The following TNKS variants were observed in gnomAD, a reference collection of about 807,000 sequenced individuals.
TNKS encodes poly [ADP-ribose] polymerase tankyrase-1.
A neutral mutation model predicts 135.8 loss-of-function variants in TNKS; 72 were observed. That is an observed-to-expected ratio of 0.53 (90% CI 0.44 to 0.64). The LOEUF (loss-of-function observed/expected upper bound fraction) is 0.64, where lower values mean the gene tolerates loss of function less well. Among genes scored for constraint, TNKS ranks in the 30% least tolerant of loss-of-function variants. The pLI is 0.00. For synonymous variants in TNKS, 849 were observed against 649.3 expected (o/e 1.31, Z -4.68); for missense variants, 1,769 against 1,674.0 (o/e 1.06, Z -0.99).
intron 3 of TNKS, among the ~76,000 whole-genome samples, chr8:9,656,762 C>T (rs1311403707): frequency 5.3e-5 from 8 of 151,022 alleles, no homozygotes; most frequent in Non-Finnish European, 8.9e-5. Flanking sequence ...GCAGAGGACC[C>T]CACGGCCTTC....
chr8:9,683,184 G>C (rs1280920450), intron 5 of TNKS, among the ~76,000 whole-genome samples: 1 of 151,956 alleles, frequency 6.6e-6, no homozygotes, highest in African/African-American at 2.4e-5. Context: ...AAAGCCACAG[G>C]GTGTTAAATG....
intron 17 of TNKS, among the ~76,000 whole-genome samples, chr8:9,746,601 C>G (rs1317252405): frequency 6.6e-6 from 1 of 152,212 alleles, no homozygotes; most frequent in South Asian, 2.1e-4. Context: ...TATTCCTTTC[C>G]TTAATGAGCT....
At position 9,617,088 on chromosome 8, in the gene TNKS, C is replaced by T. The variant is rs906953011; in HGVS notation, c.994+1411C>T. ...ACCCGCTTTGTCCATTTGTTAGATA[C>T]ATTTAATGCAACAACGCTTTTAGAT... On this transcript the variant is annotated intron_variant, in intron 3 of 26. Transcript: ENST00000310430. Among the ~76,000 whole-genome samples, 66 of 152,336 alleles carry T rather than the reference C, an allele frequency of 4.3e-4. 1 individual carries two copies. The highest frequency in any genetic ancestry group is 1.5e-3 in the African/African-American group (61 of 41,580).
Position 9,780,662 on chromosome 8 carries a change from A to T in TNKS, c.*3926A>T, listed in dbSNP as rs930672667. The T allele has an allele frequency of 1.3e-5, 2 of 152,240 alleles. No individual in the cohort carries two copies. Among genetic ancestry groups the T allele is most frequent in the African/African-American group, 2.4e-5 (1 of 41,470 alleles). The allele number at this position is 152,240 out of a possible 1,614,324, so 9.4% of individuals were successfully genotyped here. ...CTCTAGAAAGCCTTAACTATGGCGG[A>T]AACTTTTTAACCTTTTATATTTTAA... On this transcript the variant is annotated 3_prime_UTR_variant, in exon 27 of 27. Coordinates refer to ENST00000310430, the MANE Select transcript of TNKS (RefSeq NM_003747.3).
intron 3 of TNKS, among the ~76,000 whole-genome samples, chr8:9,643,326 G>C (rs948711044): frequency 6.9e-6 from 1 of 145,824 alleles, no homozygotes; most frequent in Admixed American, 7.2e-5. Context: ...TGTCTGGTTA[G>C]GGCCTGTTTG....
At chr8:9,563,466 G>T (rs1797414135) in intron 1 of TNKS, among the ~76,000 whole-genome samples, 1 of 152,022 alleles carries the variant, frequency 6.6e-6, no homozygotes. Context: ...TAGACTATAT[G>T]TAAATGAATG....
intron 17 of TNKS, among the ~76,000 whole-genome samples, chr8:9,746,130 A>G (rs956314067): frequency 1.8e-4 from 28 of 152,180 alleles, no homozygotes; most frequent in Non-Finnish European, 2.5e-4. Context: ...TAATTATCCA[A>G]ACTGACCAAG....
At chr8:9,609,357 G>A (rs370927907) in intron 2 of TNKS, among the ~76,000 whole-genome samples, 4 of 152,150 alleles carry the variant, frequency 2.6e-5, no homozygotes, top group East Asian at 1.9e-4. Flanking sequence ...TTTAGATATC[G>A]TAGACACCCA....
At chr8:9,596,602 T>C (rs909624452) in intron 2 of TNKS, among the ~76,000 whole-genome samples, 6 of 152,224 alleles carry the variant, frequency 3.9e-5, no homozygotes, top group African/African-American at 1.4e-4. Flanking sequence ...TACTCCCTGA[T>C]ATGACCATAT....
chr8:9,643,980 G>GAACCTTGAACACATTTTGCT (rs1210505381), intron 3 of TNKS, among the ~76,000 whole-genome samples: 1 of 152,194 alleles, frequency 6.6e-6, no homozygotes, highest in Non-Finnish European at 1.5e-5. Flanking sequence ...TAGCATGGAT[G>GAACCTTGAACACATTTTGCT]AACCTTGAAC....
At chr8:9,683,043 G>T (rs1802848751) in intron 5 of TNKS, among the ~76,000 whole-genome samples, 1 of 151,778 alleles carries the variant, frequency 6.6e-6, no homozygotes, top group African/African-American at 2.4e-5. Flanking sequence ...CATTTATTAG[G>T]TTTTAGTGCT....
chr8:9,690,261 C>T (rs1417610388), intron 5 of TNKS, among the ~76,000 whole-genome samples: 2 of 152,168 alleles, frequency 1.3e-5, no homozygotes, highest in Non-Finnish European at 2.9e-5. Flanking sequence ...ACACAAATTG[C>T]TGGCCGCTGA....
chr8:9,686,625 A>C (rs1380610900), intron 5 of TNKS, among the ~76,000 whole-genome samples: 1 of 152,192 alleles, frequency 6.6e-6, no homozygotes, highest in East Asian at 1.9e-4. Flanking sequence ...ATTTTAAAAT[A>C]TCTTCCCAAA....
In TNKS at chr8:9,706,244, G is replaced by A; in HGVS notation, c.1260G>A (p.Leu420=). The A allele has an allele frequency of 6.4e-7, 1 of 1,566,422 alleles. No homozygotes were observed. Among genetic ancestry groups the A allele is most frequent in the East Asian group, 2.4e-5 (1 of 41,712 alleles). Residue 420 remains leucine (L), a synonymous_variant, in exon 7 of 27, where the codon CTG becomes CTA. Transcript: ENST00000310430. ...CSYGHYEVTE[L]LLKHGACVNA... ...ATGGACATTATGAAGTCACAGAACT[G>A]CTACTAAAGGTAAGAGAAATTCAGA...
At chr8:9,642,975 T>G (rs1800777330) in intron 3 of TNKS, among the ~76,000 whole-genome samples, 1 of 146,398 alleles carries the variant, frequency 6.8e-6, no homozygotes, top group African/African-American at 2.5e-5. Flanking sequence ...TTTTACCTAA[T>G]TTTTATATAC....
intron 4 of TNKS, 85 bp downstream of exon 4, chr8:9,680,072 A>G (rs190619731): frequency 1.5e-5 from 15 of 999,700 alleles, no homozygotes; most frequent in Admixed American, 1.3e-4. Flanking sequence ...AAAAAATATA[A>G]CGTTATTGTC....
At chr8:9,690,199 T>C (rs1803198803) in intron 5 of TNKS, among the ~76,000 whole-genome samples, 1 of 152,196 alleles carries the variant, frequency 6.6e-6, no homozygotes, top group Non-Finnish European at 1.5e-5. Context: ...TAGAAACTCA[T>C]TTTCACCACA....
chr8:9,615,902 T>C (rs774756698), intron 3 of TNKS, among the ~76,000 whole-genome samples: 8 of 152,214 alleles, frequency 5.3e-5, no homozygotes, highest in Admixed American at 6.5e-5. Flanking sequence ...TAGCATTAAA[T>C]CATAACATCT....
At chr8:9,658,589 A>G (rs947485252) in intron 3 of TNKS, among the ~76,000 whole-genome samples, 2 of 152,258 alleles carry the variant, frequency 1.3e-5, no homozygotes, top group Non-Finnish European at 2.9e-5. Flanking sequence ...AGGAAGCACT[A>G]AACATGGAAA....
Sources: gnomAD v4.1 joint callset for allele counts (sites outside exome capture counted in the v4.1 genomes callset) on GRCh38, gnomAD v4.1.1 for gene constraint, MANE v1.5 for transcripts, NCBI Gene and HGNC (gene_info 2026-07-23, HGNC 2026-07-21) for gene names.